PCM1: variants seen among roughly 807,000 people sequenced by gnomAD.
The protein encoded by PCM1 is pericentriolar material 1 protein.
A neutral mutation model predicts 241.9 loss-of-function variants in PCM1; 157 were observed. That is an observed-to-expected ratio of 0.65 (90% CI 0.57 to 0.74). The LOEUF is 0.74. Among genes scored for constraint, PCM1 ranks in the 30% least tolerant of loss-of-function variants. PCM1 has a pLI of 0.00. For missense variants in PCM1, 3,478 were observed against 2,360.1 expected (o/e 1.47, Z -9.81); for synonymous variants, 1,085 against 784.9 (o/e 1.38, Z -6.39).
intron 28 of PCM1, among the ~76,000 whole-genome samples, chr8:17,992,991 AG>A (rs1366831693): frequency 1.7e-5 from 2 of 118,126 alleles, no homozygotes; most frequent in Non-Finnish European, 3.5e-5. Context: ...TCTGGGTATT[AG>A]TCCTTTGTCA....
At chr8:17,933,912 A>C (rs937200442) in intron 2 of PCM1, among the ~76,000 whole-genome samples, 5 of 152,076 alleles carry the variant, frequency 3.3e-5, no homozygotes, top group African/African-American at 1.2e-4. Flanking sequence ...CTGCTTGTTT[A>C]TACTTACTTT....
chr8:17,979,599 A>C (rs960218736), intron 23 of PCM1, among the ~76,000 whole-genome samples: 3 of 152,212 alleles, frequency 2.0e-5, no homozygotes, highest in African/African-American at 7.2e-5. Context: ...GGAAAGTACT[A>C]GGTCTATAAA....
chr8:17,968,836 G>C (rs2075924394), intron 21 of PCM1, among the ~76,000 whole-genome samples: 1 of 151,130 alleles, frequency 6.6e-6, no homozygotes, highest in Admixed American at 6.6e-5. Flanking sequence ...AAAAATTTAA[G>C]AGACTTTTTA....
chr8:17,970,462 A>T (rs2076466521), intron 22 of PCM1, among the ~76,000 whole-genome samples: 2 of 151,056 alleles, frequency 1.3e-5, no homozygotes, highest in African/African-American at 2.4e-5. Flanking sequence ...ATTAACCAAT[A>T]ACTCTGAGAA....
intron 29 of PCM1, among the ~76,000 whole-genome samples, chr8:18,001,982 G>A (rs2089611869): frequency 1.3e-5 from 1 of 78,422 alleles, no homozygotes; most frequent in Admixed American, 1.9e-4. Context: ...TTTTGCCGCT[G>A]CTTCTAACCT....
rs2069204487 is a variant in PCM1, at chr8:17,957,623, G to C, written c.1888G>C (p.Glu630Gln). Residue 630 changes from glutamate to glutamine, a missense_variant, in exon 13 of 39, where the codon GAG (glutamate) becomes CAG (glutamine). Transcript: ENST00000325083. ...TGAGGAGGAGGAGGAAGAAGCAGAA[G>C]AGGAGGGAGTCAGTGGAGCTTCATT... is the stretch of plus-strand genomic sequence containing the variant. ...DDEEEEEEAE[E>Q]EGVSGASLSS... The C allele has an allele frequency of 3.8e-6, 6 of 1,582,584 alleles. No homozygotes were observed. The highest frequency in any genetic ancestry group is 5.2e-6 in the Non-Finnish European group (6 of 1,163,124).
chr8:18,002,011 T>C (rs2089670775), intron 29 of PCM1, among the ~76,000 whole-genome samples: 2 of 66,294 alleles, frequency 3.0e-5, no homozygotes, highest in Non-Finnish European at 5.2e-5. Flanking sequence ...TTTTTTTTTT[T>C]TTTTTTTTTT....
rs2061253602 is a variant in PCM1 at position 17,939,026 on chromosome 8, C to G, written c.612+17C>G. On this transcript the variant is annotated intron_variant, in intron 5 of 38. Transcript: ENST00000325083. The stretch of plus-strand genomic sequence containing the variant: ...AGCAGCCAGGTGATAACGTTTGTTT[C>G]TTTTGCTCATTCTTTACACAAACCT... 6.2e-7 allele frequency: 1 copy of G among 1,611,994 alleles called. No homozygotes were observed. The highest frequency in any genetic ancestry group is 2.2e-5 in the East Asian group (1 of 44,862).
chr8:17,950,219 G>A (rs17126008), intron 7 of PCM1, among the ~76,000 whole-genome samples: 28,617 of 152,092 alleles, frequency 0.19, 3,225 homozygotes, highest in East Asian at 0.39. Context: ...CCCCTCTACC[G>A]GAGAATTGAT....
intron 26 of PCM1, among the ~76,000 whole-genome samples, chr8:17,986,864 T>C (rs940606399): frequency 6.6e-6 from 1 of 151,840 alleles, no homozygotes; most frequent in Non-Finnish European, 1.5e-5. Context: ...TTAGCAAATA[T>C]CAGCTATAGG....
intron 29 of PCM1, among the ~76,000 whole-genome samples, chr8:18,005,165 A>T (rs924371806): frequency 1.3e-5 from 2 of 152,114 alleles, no homozygotes; most frequent in African/African-American, 4.8e-5. Context: ...GGTGCTTTTT[A>T]AAAATATTTA....
At chr8:18,008,187 C>T (rs383297) in intron 30 of PCM1, among the ~76,000 whole-genome samples, 114,556 of 151,972 alleles carry the variant, frequency 0.75, 43,605 homozygotes, top group Middle Eastern at 0.8. Flanking sequence ...TCCCTCCCCA[C>T]GGCTCTCATT....
At chr8:17,994,283 A>C (rs945691061) in intron 29 of PCM1, among the ~76,000 whole-genome samples, 4 of 152,140 alleles carry the variant, frequency 2.6e-5, no homozygotes, top group African/African-American at 9.7e-5. Flanking sequence ...GAACATATGA[A>C]GTTTGTCTTT....
intron 18 of PCM1, among the ~76,000 whole-genome samples, 180 bp downstream of exon 18, chr8:17,964,948 C>T (rs1048042695): frequency 1.3e-5 from 2 of 152,136 alleles, no homozygotes. Flanking sequence ...TTCAGTAAGA[C>T]TGCCCTCACC....
chr8:17,956,051 G>T lies in PCM1; in HGVS notation c.1472+398G>T, dbSNP rs891250841. ...TGTATTTCCTCATCTGCAAAATAGG[G>T]ATGATAATATACCTGTTGATAAATA... On this transcript the variant is annotated intron_variant, in intron 10 of 38. Coordinates refer to ENST00000325083, the MANE Select transcript of PCM1 (RefSeq NM_006197.4). 1.7e-5 allele frequency: 4 copies of T among 237,834 alleles called. No homozygotes were observed. In the South Asian group the frequency reaches 2.2e-4, roughly 13 times the overall value. The allele number at this position is 237,834 out of a possible 1,614,324, so 14.7% of individuals were successfully genotyped here. A position where few individuals can be genotyped will look rare whatever the true frequency, so the allele number is the denominator to read the frequency against.
At position 17,938,953 on chromosome 8, in the gene PCM1, A is replaced by T. The variant is rs764528886; in HGVS notation, c.556A>T (p.Asn186Tyr). 3 of 1,613,780 alleles carry T rather than the reference A, an allele frequency of 1.9e-6. No individual in the cohort carries two copies. The South Asian group carries it at 3.3e-5, about 18-fold the overall frequency. The part of the protein sequence containing the change: ...ASALSNDLLQ[N>Y]CQVSEEDGRG... ...TGCTTTAAGTAATGACCTCTTGCAA[A>T]ACTGTCAGGTGTCTGAAGAAGATGG... is the stretch of plus-strand genomic sequence containing the variant. The change falls in exon 5 of 39, where the codon AAC becomes TAC. Residue 186 changes from asparagine (N) to tyrosine (Y), a missense_variant. By Grantham distance (143) the Asn-to-Tyr change is moderately radical. Transcript: ENST00000325083.
chr8:17,985,539 C>T lies in PCM1; in HGVS notation c.4201C>T (p.His1401Tyr). The T allele has an allele frequency of 6.3e-7, 1 of 1,597,514 alleles. No individual in the cohort carries two copies. Among genetic ancestry groups the T allele is most frequent in the Non-Finnish European group, 8.5e-7 (1 of 1,170,468 alleles). ...AATTTCTCAAAATGAATCTCGTCCA[C>T]ATTTTCTTATTGAACTCTTCCATGA... is the stretch of plus-strand genomic sequence containing the variant. ...TLISQNESRPHFLIELFHELQ... is the reference protein window; with the variant it reads ...TLISQNESRPYFLIELFHELQ... The change falls in exon 25 of 39, where the codon CAT becomes TAT. Residue 1401 changes from histidine (H) to tyrosine (Y), a missense_variant. Transcript: ENST00000325083.
intron 36 of PCM1, among the ~76,000 whole-genome samples, chr8:18,021,984 C>A (rs1324601056): frequency 1.3e-5 from 2 of 152,172 alleles, no homozygotes; most frequent in African/African-American, 4.8e-5. Flanking sequence ...TGATCTATGA[C>A]TGGCTTCCAT....
intron 27 of PCM1, 67 bp downstream of exon 27, chr8:17,990,046 G>T: frequency 7.6e-7 from 1 of 1,313,118 alleles, no homozygotes; most frequent in Non-Finnish European, 1.0e-6. Context: ...TTGAATTGGC[G>T]TTGATAAGGA....
Sources: gnomAD v4.1 joint callset for allele counts (sites outside exome capture counted in the v4.1 genomes callset) on GRCh38, gnomAD v4.1.1 for gene constraint, MANE v1.5 for transcripts, NCBI Gene and HGNC (gene_info 2026-07-23, HGNC 2026-07-21) for gene names.